PLCH1: variants seen among roughly 807,000 people sequenced by gnomAD.
PLCH1 encodes the protein phospholipase C eta 1, also known as 1-phosphatidylinositol 4,5-bisphosphate phosphodiesterase eta-1.
A neutral mutation model predicts 126.7 loss-of-function variants in PLCH1; 60 were observed. That is an observed-to-expected ratio of 0.47 (90% confidence interval 0.38 to 0.59). PLCH1 has a LOEUF of 0.59. Ranked by LOEUF, PLCH1 falls within the 20% of genes least tolerant of loss-of-function variation. The pLI, the probability that PLCH1 is intolerant of heterozygous loss-of-function variation, is 0.00. For missense variants in PLCH1, 1,723 were observed against 2,040.0 expected (o/e 0.84, Z 2.99); for synonymous variants, 719 against 734.9 (o/e 0.98, Z 0.35).
At chr3:155,477,785 T>C (rs1263956740), downstream of PLCH1, among the ~76,000 whole-genome samples, 6 of 152,164 alleles carry the variant, frequency 3.9e-5, no homozygotes, top group Non-Finnish European at 1.5e-5. Flanking sequence ...GGAACCATTG[T>C]ACACTGTTGG....
chr3:155,669,918 C>A (rs976760004), intron 2 of PLCH1, among the ~76,000 whole-genome samples: 4 of 152,176 alleles, frequency 2.6e-5, no homozygotes, highest in African/African-American at 9.7e-5. Flanking sequence ...ATGAGACCTA[C>A]ATCAATGGCG....
chr3:155,571,046 C>G (rs1729151814), intron 6 of PLCH1, among the ~76,000 whole-genome samples: 1 of 152,140 alleles, frequency 6.6e-6, no homozygotes, highest in South Asian at 2.1e-4. Flanking sequence ...GTTGTAGAAA[C>G]TAGTCATAGA....
chr3:155,513,169 A>G (rs1324951755), intron 12 of PLCH1, among the ~76,000 whole-genome samples: 1 of 152,230 alleles, frequency 6.6e-6, no homozygotes, highest in African/African-American at 2.4e-5. Context: ...TTAAACCGAC[A>G]TATGTATCTG....
intron 2 of PLCH1, among the ~76,000 whole-genome samples, chr3:155,630,911 A>C (rs1442080749): frequency 6.6e-6 from 1 of 152,224 alleles, no homozygotes; most frequent in Non-Finnish European, 1.5e-5. Context: ...GAGACTTGAA[A>C]ATTAAAAGAC....
chr3:155,463,133 G>A (rs944173190), intron 21 of PLCH1, among the ~76,000 whole-genome samples: 1 of 152,090 alleles, frequency 6.6e-6, no homozygotes, highest in Admixed American at 6.5e-5. Flanking sequence ...TCCTGTCTCT[G>A]CCTCAATTCT....
intron 2 of PLCH1, among the ~76,000 whole-genome samples, chr3:155,642,791 T>C (rs1296115864): frequency 6.6e-6 from 1 of 152,232 alleles, no homozygotes; most frequent in Non-Finnish European, 1.5e-5. Context: ...TGTGAAGTCT[T>C]GAACTTCCTG....
chr3:155,547,316 A>C (rs1273398511), intron 10 of PLCH1, among the ~76,000 whole-genome samples: 1 of 151,948 alleles, frequency 6.6e-6, no homozygotes, highest in East Asian at 1.9e-4. Context: ...CCATCAGAGA[A>C]ATGCAAATCA....
At chr3:155,549,081 G>C (rs1408477022) in intron 10 of PLCH1, among the ~76,000 whole-genome samples, 1 of 152,138 alleles carries the variant, frequency 6.6e-6, no homozygotes, top group African/African-American at 2.4e-5. Context: ...ACCCAAGGTG[G>C]TTTTAGTACA....
Position 155,565,048 on chromosome 3 carries a change from GT to G in PLCH1, c.935del (p.Asp312AlafsTer19). ...AGTAGTTGCAGAGGGGCTGATCCAT[GT>G]CTTGGTACACTTCATGGTGCAATGG... ...FNPLHHEVYQ[D>X]MDQPLCNYYI... On this transcript the variant is annotated frameshift_variant, in exon 8 of 23. Coordinates refer to ENST00000460012, the MANE Select transcript of PLCH1 (RefSeq NM_014996.4). LOFTEE classifies it high-confidence loss of function. The G allele has an allele frequency of 6.2e-7, 1 of 1,613,406 alleles. No homozygotes were observed. Among genetic ancestry groups the G allele is most frequent in the Non-Finnish European group, 8.5e-7 (1 of 1,179,330 alleles).
intron 12 of PLCH1, among the ~76,000 whole-genome samples, chr3:155,505,605 T>C (rs1321467386): frequency 1.3e-5 from 2 of 152,084 alleles, no homozygotes; most frequent in East Asian, 3.9e-4. Context: ...TAGGAAGAGA[T>C]TGGGTGGAGT....
chr3:155,565,218 T>A, intron 7 of PLCH1, 100 bp from the exon 8 acceptor site: 1 of 716,372 alleles, frequency 1.4e-6, no homozygotes, highest in East Asian at 2.7e-5. Flanking sequence ...ATAATGATTA[T>A]CTTATTTACC....
At chr3:155,488,573 C>T (rs1247964524) in intron 20 of PLCH1, 87 bp downstream of exon 20, 8 of 1,090,154 alleles carry the variant, frequency 7.3e-6, no homozygotes, top group Non-Finnish European at 9.3e-6. Context: ...ATCACGTATG[C>T]TATTATGTAA....
intron 2 of PLCH1, among the ~76,000 whole-genome samples, chr3:155,688,918 C>T (rs920217882): frequency 2.0e-5 from 3 of 152,188 alleles, no homozygotes; most frequent in Non-Finnish European, 4.4e-5. Context: ...TTTTTTACTT[C>T]AATCCCTGGC....
intron 21 of PLCH1, among the ~76,000 whole-genome samples, chr3:155,471,243 A>C (rs897813278): frequency 2.6e-5 from 4 of 152,348 alleles, no homozygotes; most frequent in East Asian, 1.9e-4. Flanking sequence ...CCTACCAAGC[A>C]AATGGAAAAC....
intron 13 of PLCH1, among the ~76,000 whole-genome samples, chr3:155,501,875 G>C (rs945436566): frequency 6.6e-6 from 1 of 152,156 alleles, no homozygotes; most frequent in African/African-American, 2.4e-5. Context: ...CGAAAATGCA[G>C]TGTCTACAAA....
At chr3:155,652,609 GA>G (rs2108900897) in intron 2 of PLCH1, among the ~76,000 whole-genome samples, 1 of 152,240 alleles carries the variant, frequency 6.6e-6, no homozygotes, top group South Asian at 2.1e-4. Flanking sequence ...ACCATTTATA[GA>G]ATGCTTATTA....
At chr3:155,597,944 G>A (rs1733190112) in intron 2 of PLCH1, among the ~76,000 whole-genome samples, 1 of 152,126 alleles carries the variant, frequency 6.6e-6, no homozygotes, top group South Asian at 2.1e-4. Context: ...AGCACTTTGG[G>A]AGGCCGAGGC....
At chr3:155,453,893 T>C (rs1029855034) in intron 21 of PLCH1, among the ~76,000 whole-genome samples, 4 of 151,940 alleles carry the variant, frequency 2.6e-5, no homozygotes, top group African/African-American at 9.7e-5. Context: ...TCTATCTTTA[T>C]AAGTAGAAAA....
rs558189096 is a variant in PLCH1, at chr3:155,619,605, G to A, written c.80-23227C>T. ...CCTGTTGCTTTAAGGCTTTCTAAGG[G>A]GCAAGAGTCAAAACAGAAAATGGAA... On this transcript the variant is annotated intron_variant, in intron 2 of 22. Transcript: ENST00000460012. Among the ~76,000 whole-genome samples, 4 of 151,978 alleles carry A rather than the reference G, an allele frequency of 2.6e-5. No homozygotes were observed. In the East Asian group the frequency reaches 5.8e-4, roughly 22 times the overall value.
Sources: allele counts gnomAD v4.1 joint callset (sites outside exome capture counted in the v4.1 genomes callset), GRCh38; gene constraint gnomAD v4.1.1; transcripts MANE v1.5; gene names NCBI Gene and HGNC (gene_info 2026-07-23, HGNC 2026-07-21).